The following ANGPT4 variants were observed in gnomAD, a reference collection of about 807,000 sequenced individuals.
ANGPT4 encodes the protein angiopoietin-4.
In ANGPT4, 50 loss-of-function variants were observed where a neutral mutation model predicts 53.0. The observed-to-expected ratio is 0.94, with a 90% CI of 0.75 to 1.20. ANGPT4 has a LOEUF of 1.20. Among genes scored for constraint, ANGPT4 ranks in the 50% most tolerant of loss-of-function variants. The pLI is 0.00. For synonymous variants in ANGPT4, 251 were observed against 259.7 expected, an observed-to-expected ratio of 0.97 and a Z score of 0.32; for missense variants, 648 against 637.1, an observed-to-expected ratio of 1.02 and a Z score of -0.18.
At chr20:887,929 A>C (rs554492590) in intron 3 of ANGPT4, among the ~76,000 whole-genome samples, 3 of 152,138 alleles carry the variant, frequency 2.0e-5, no homozygotes, top group Non-Finnish European at 4.4e-5. Context: ...AGAAAGAATC[A>C]GGGTGTCCTG....
rs772442947 is a variant in ANGPT4 at position 881,281 on chromosome 20, T to A, written c.841A>T (p.Ile281Leu). ...TGGAACACCTGCTCACCTGCCATTA[T>A]GAAGGCTGCAAAGGGACAACACAAA... Reference protein sequence around the residue: ...ERANASAPAFIMAGEQVFQDC... With the variant: ...ERANASAPAFLMAGEQVFQDC... The change falls in exon 5 of 9, where the codon ATA becomes TTA. Residue 281 changes from isoleucine (I) to leucine (L), a missense_variant. Physicochemically the swap from Ile to Leu is conservative, Grantham distance 5. Coordinates refer to ENST00000381922, the MANE Select transcript of ANGPT4 (RefSeq NM_015985.4). The A allele has an allele frequency of 1.2e-5, 19 of 1,614,152 alleles. No individual in the cohort carries two copies. The South Asian group carries it at 2.0e-4, about 17-fold the overall frequency.
intron 4 of ANGPT4, among the ~76,000 whole-genome samples, chr20:883,975 G>A (rs1321398014): frequency 6.6e-6 from 1 of 152,228 alleles, no homozygotes; most frequent in African/African-American, 2.4e-5. Flanking sequence ...GAGCCAGGGT[G>A]GAATCTTCTG....
At chr20:876,495 A>G (rs1044434056) in intron 7 of ANGPT4, among the ~76,000 whole-genome samples, 9 of 152,218 alleles carry the variant, frequency 5.9e-5, no homozygotes, top group Non-Finnish European at 8.8e-5. Context: ...GCCACGAGAC[A>G]GTGATCGTAA....
At chr20:901,092 A>G (rs1186497065) in intron 1 of ANGPT4, among the ~76,000 whole-genome samples, 2 of 152,178 alleles carry the variant, frequency 1.3e-5, no homozygotes, top group African/African-American at 4.8e-5. Context: ...AAGCCCTGAG[A>G]AACATCACCC....
intron 2 of ANGPT4, 47 bp from the exon 3 acceptor site, chr20:888,486 G>A (rs1438325507): frequency 3.2e-6 from 5 of 1,574,824 alleles, no homozygotes; most frequent in Admixed American, 1.8e-5. Context: ...AAGCGCTACA[G>A]GAGCCCTGCC....
intron 1 of ANGPT4, among the ~76,000 whole-genome samples, chr20:910,912 A>G (rs1268786570): frequency 1.3e-5 from 2 of 151,878 alleles, no homozygotes; most frequent in Admixed American, 1.3e-4. Flanking sequence ...TCTTGGAAAA[A>G]TCATCCCATT....
At chr20:899,264 T>A (rs1229512416) in intron 1 of ANGPT4, among the ~76,000 whole-genome samples, 3 of 151,990 alleles carry the variant, frequency 2.0e-5, no homozygotes, top group Non-Finnish European at 4.4e-5. Flanking sequence ...TTTTTTTTTT[T>A]TGAGATGGAG....
chr20:887,451 T>C (rs531189152), intron 3 of ANGPT4, among the ~76,000 whole-genome samples: 6 of 152,320 alleles, frequency 3.9e-5, no homozygotes, highest in Non-Finnish European at 5.9e-5. Flanking sequence ...TATGGCCTTA[T>C]CCTGAACCGG....
At chr20:896,907 A>G (rs1040980778) in intron 1 of ANGPT4, among the ~76,000 whole-genome samples, 2 of 152,218 alleles carry the variant, frequency 1.3e-5, no homozygotes, top group Admixed American at 6.5e-5. Flanking sequence ...GCCTGCGCGT[A>G]TACATCCAGA....
intron 1 of ANGPT4, among the ~76,000 whole-genome samples, chr20:901,757 A>G (rs2122845904): frequency 6.6e-6 from 1 of 152,326 alleles, no homozygotes; most frequent in African/African-American, 2.4e-5. Flanking sequence ...TACTAAAATC[A>G]GAACAAAATT....
intron 4 of ANGPT4, among the ~76,000 whole-genome samples, chr20:884,579 AG>A (rs1981532986): frequency 1.3e-5 from 2 of 152,252 alleles, no homozygotes; most frequent in Non-Finnish European, 2.9e-5. Flanking sequence ...CCCAGAAGCC[AG>A]GGCCAGGGAT....
Position 874,386 on chromosome 20 carries a change from C to T in ANGPT4, c.1249G>A (p.Ala417Thr), listed in dbSNP as rs1205293026. ...RLSVVGYSGS[A>T]GRQSSLVLQN... ...AGGACCAGGCTGCTCTGGCGCCCTGCTGAGCCGCTGTACCCGACCACAGAA... is the reference window on the plus strand; with the variant it reads ...AGGACCAGGCTGCTCTGGCGCCCTGTTGAGCCGCTGTACCCGACCACAGAA... Residue 417 changes from alanine to threonine, a missense_variant, in exon 8 of 9, where the codon GCA becomes ACA. Ala to Thr is a moderately conservative substitution (Grantham distance 58). Coordinates refer to ENST00000381922, the MANE Select transcript of ANGPT4 (RefSeq NM_015985.4). 6.2e-7 allele frequency: 1 copy of T among 1,613,830 alleles called. No homozygotes were observed.
chr20:915,509 C>T (rs1982894184), intron 1 of ANGPT4, among the ~76,000 whole-genome samples: 1 of 152,228 alleles, frequency 6.6e-6, no homozygotes, highest in South Asian at 2.1e-4. Flanking sequence ...CAAGCAGCCA[C>T]CCAGGGCCGC....
intron 1 of ANGPT4, among the ~76,000 whole-genome samples, chr20:901,073 T>C (rs1209173295): frequency 1.3e-5 from 2 of 152,200 alleles, no homozygotes; most frequent in Admixed American, 6.5e-5. Context: ...CTCCTAATCC[T>C]GCTCGAAGAA....
chr20:885,238 G>T lies in ANGPT4; in HGVS notation c.675C>A (p.Asn225Lys). The T allele has an allele frequency of 6.3e-7, 1 of 1,585,564 alleles. No homozygotes were observed. The highest frequency in any genetic ancestry group is 1.7e-4 in the Middle Eastern group (1 of 5,848). Residue 225 changes from asparagine (N) to lysine (K), a missense_variant, in exon 4 of 9, where the codon AAC (asparagine) becomes AAA (lysine). Physicochemically the swap from Asn to Lys is moderately conservative, Grantham distance 94. Transcript: ENST00000381922. ...SILSKKAKLLNTLSRQSAALT... is the reference protein window; with the variant it reads ...SILSKKAKLLKTLSRQSAALT... ...GGGCGGCGCTCTGGCGGCTCAGCGT[G>T]TTCAGCAGCTTCGCCTTCTTGCTGA...
At chr20:881,334 G>C in intron 4 of ANGPT4, 48 bp from the exon 5 acceptor site, 1 of 1,562,318 alleles carries the variant, frequency 6.4e-7, no homozygotes, top group South Asian at 1.1e-5. Context: ...CAAGGAAAGA[G>C]AGAAGGGGCC....
rs78409963 is a variant in ANGPT4 at position 910,720 on chromosome 20, C to T, written c.309+5186G>A. Among the ~76,000 whole-genome samples, 554 of 152,294 alleles carry T rather than the reference C, an allele frequency of 3.6e-3. 16 individuals are homozygous for T. In the East Asian group the frequency reaches 0.08, roughly 22 times the overall value. The stretch of plus-strand genomic sequence containing the variant: ...GGAGGAGAGAACTAGAAACATGTGG[C>T]CCTGCCCTCTGTGGGATGGCTGGCC... On this transcript the variant is annotated intron_variant, in intron 1 of 8. Transcript: ENST00000381922.
In ANGPT4 at chr20:914,577, G is replaced by A. The variant is rs1211429309; in HGVS notation, c.309+1329C>T. On this transcript the variant is annotated intron_variant, in intron 1 of 8. Coordinates refer to ENST00000381922, the MANE Select transcript of ANGPT4 (RefSeq NM_015985.4). The surrounding 1 kb of genome is among the most constrained non-coding windows in gnomAD (Gnocchi z 5.0). Reference sequence around the variant, plus strand: ...GGGAGCCAGGGGGGCAGCCAGGACAGCTATCCTGCCTGGAGCCAGAGGTGG... The same window carrying A: ...GGGAGCCAGGGGGGCAGCCAGGACAACTATCCTGCCTGGAGCCAGAGGTGG... Among the ~76,000 whole-genome samples the A allele has an allele frequency of 1.3e-5, 2 of 152,084 alleles. No individual in the cohort carries two copies. Among genetic ancestry groups the A allele is most frequent in the Non-Finnish European group, 1.5e-5 (1 of 68,000 alleles).
intron 1 of ANGPT4, among the ~76,000 whole-genome samples, chr20:897,195 C>G (rs1334920025): frequency 6.6e-6 from 1 of 152,188 alleles, no homozygotes; most frequent in Non-Finnish European, 1.5e-5. Context: ...ATTGCTCACA[C>G]AAAGCCTGTT....
Sources: gnomAD v4.1 joint callset for allele counts (sites outside exome capture counted in the v4.1 genomes callset) on GRCh38, gnomAD v4.1.1 for gene constraint, Gnocchi (gnomAD v3.1) non-coding constraint, MANE v1.5 for transcripts, NCBI Gene and HGNC (gene_info 2026-07-23, HGNC 2026-07-21) for gene names.